Variants in CSMD3 observed in about 807,000 individuals in gnomAD.
The protein encoded by CSMD3 is CUB and sushi domain-containing protein 3.
CSMD3 carries 177 observed loss-of-function variants against 435.2 expected under a neutral mutation model. The observed-to-expected ratio is 0.41, with a 90% CI of 0.36 to 0.46. The LOEUF (loss-of-function observed/expected upper bound fraction) is 0.46, where lower values mean the gene tolerates loss of function less well. CSMD3 is among the 20% of genes least tolerant of loss of function. CSMD3 has a pLI of 0.34. For synonymous variants in CSMD3, 1,656 were observed against 1,520.5 expected (o/e 1.09, Z -2.07); for missense variants, 4,265 against 4,504.6 (o/e 0.95, Z 1.52).
Position 112,337,576 on chromosome 8 carries a change from G to A in CSMD3, c.6808C>T (p.Arg2270Cys), listed in dbSNP as rs2130964908. The A allele has an allele frequency of 6.2e-7, 1 of 1,613,730 alleles. No homozygotes were observed. The highest frequency in any genetic ancestry group is 8.5e-7 in the Non-Finnish European group (1 of 1,179,710). Residue 2270 changes from arginine to cysteine, a missense_variant, in exon 43 of 71, where the codon CGT becomes TGT. Arg to Cys is a radical substitution (Grantham distance 180). Coordinates refer to ENST00000297405, the MANE Select transcript of CSMD3 (RefSeq NM_198123.2). ...CTTGGAAGTGGATGATTCCAATTAC[G>A]ACTGACTCCGTGAAGGCATGTGAGA... ...SALTCLHGVS[R>C]NWNHPLPRCE...
intron 10 of CSMD3, among the ~76,000 whole-genome samples, chr8:112,902,916 ACTT>A (rs1354041814): frequency 1.3e-5 from 2 of 151,298 alleles, no homozygotes; most frequent in Non-Finnish European, 3.0e-5. Context: ...TACTTCACCC[ACTT>A]CTTCTGACCC....
At chr8:112,772,926 C>T (rs1012533114) in intron 13 of CSMD3, among the ~76,000 whole-genome samples, 1 of 152,040 alleles carries the variant, frequency 6.6e-6, no homozygotes, top group Non-Finnish European at 1.5e-5. Flanking sequence ...ATCCTATTGT[C>T]CTGCCACATC....
intron 3 of CSMD3, among the ~76,000 whole-genome samples, chr8:113,219,727 A>C (rs114283359): frequency 1.6e-4 from 25 of 151,620 alleles, no homozygotes; most frequent in African/African-American, 5.8e-4. Context: ...ATTCCTCTAT[A>C]CTGGGTATAG....
Position 112,929,741 on chromosome 8 carries a change from CT to C in CSMD3, c.1509-7991del, listed in dbSNP as rs149814760. On this transcript the variant is annotated intron_variant, in intron 9 of 70. Transcript: ENST00000297405. ...AGATAAAAGGCAATAAAATAAAGTG[CT>C]TTTGAAGGTTACTAGTAGAATGCGT... Among the ~76,000 whole-genome samples, 1,345 of 152,010 alleles carry C rather than the reference CT, an allele frequency of 8.8e-3. 21 individuals are homozygous for C. The highest frequency in any genetic ancestry group is 0.031 in the African/African-American group (1,282 of 41,510).
intron 9 of CSMD3, among the ~76,000 whole-genome samples, chr8:112,928,247 T>C (rs543349028): frequency 1.3e-5 from 2 of 152,182 alleles, no homozygotes; most frequent in Admixed American, 6.5e-5. Flanking sequence ...CCTAGGCAAG[T>C]GCATTAGTTA....
At chr8:112,336,959 A>T in intron 43 of CSMD3, 130 bp from the exon 44 acceptor site, 1 of 782,804 alleles carries the variant, frequency 1.3e-6, no homozygotes, top group Non-Finnish European at 2.2e-6. Context: ...ACTTCAGTTG[A>T]GGTATGTATA....
chr8:113,318,880 G>A (rs1053477074), intron 1 of CSMD3, among the ~76,000 whole-genome samples: 2 of 150,872 alleles, frequency 1.3e-5, no homozygotes, highest in Admixed American at 1.3e-4. Flanking sequence ...TTTTAAGGCT[G>A]AATAAGATTC....
At position 112,951,341 on chromosome 8, in the gene CSMD3, G is replaced by T. The variant is rs1333454595; in HGVS notation, c.1420+3343C>A. Among the ~76,000 whole-genome samples the T allele has an allele frequency of 2.6e-5, 4 of 151,832 alleles. No homozygotes were observed. In the East Asian group the frequency reaches 7.8e-4, roughly 29 times the overall value. On this transcript the variant is annotated intron_variant, in intron 8 of 70. Transcript: ENST00000297405. Reference sequence around the variant, plus strand: ...GTGCTCTCTAAAAGTTTAATTACATGAATAGTGTAAGTATGATTTCTTATG... The same window carrying T: ...GTGCTCTCTAAAAGTTTAATTACATTAATAGTGTAAGTATGATTTCTTATG...
rs548658990 is a variant in CSMD3, at chr8:112,755,514, C to CG, written c.1972+44647dup. Among the ~76,000 whole-genome samples, 55 of 151,334 alleles carry CG rather than the reference C, an allele frequency of 3.6e-4. 1 individual carries two copies. The highest frequency in any genetic ancestry group is 3.4e-3 in the Middle Eastern group (1 of 290). Reference sequence around the variant, plus strand: ...AAGAAGGACAAGTTTGCTTCCCCTTCGGCCATGATGGTAAGTTTCCTGAGA... The same window carrying CG: ...AAGAAGGACAAGTTTGCTTCCCCTTCGGGCCATGATGGTAAGTTTCCTGAGA... On this transcript the variant is annotated intron_variant, in intron 13 of 70. Transcript: ENST00000297405.
intron 10 of CSMD3, among the ~76,000 whole-genome samples, chr8:112,859,718 G>T (rs1180354877): frequency 6.6e-6 from 1 of 151,390 alleles, no homozygotes; most frequent in African/African-American, 2.4e-5. Context: ...TTCTCTTTCT[G>T]TACTTATAAC....
chr8:113,342,398 C>A (rs539347453), intron 1 of CSMD3, among the ~76,000 whole-genome samples: 2 of 151,940 alleles, frequency 1.3e-5, no homozygotes, highest in African/African-American at 4.8e-5. Context: ...ATTTCTACAG[C>A]GCTATTTGCA....
rs1331614870 is a variant in CSMD3 at position 113,173,815 on chromosome 8, T to C, written c.616A>G (p.Thr206Ala). ...VGDKIRYSCV[T>A]GYILDGHPQL... ...GGGTGGCCATCAAGGATGTATCCAG[T>C]TACACAGCTGTAGCGGATCTTGTCC... Residue 206 changes from threonine to alanine, a missense_variant, in exon 4 of 71, where the codon ACT becomes GCT. Physicochemically the swap from Thr to Ala is moderately conservative, Grantham distance 58. Around this residue, in one of 3 missense-constraint regions of CSMD3, gnomAD observed 731 missense variants for 755.4 expected, o/e 0.97. Transcript: ENST00000297405. The C allele has an allele frequency of 1.2e-6, 2 of 1,613,732 alleles. No homozygotes were observed. Among genetic ancestry groups the C allele is most frequent in the Non-Finnish European group, 1.7e-6 (2 of 1,179,700 alleles).
At chr8:112,738,074 C>A (rs1423349808) in intron 13 of CSMD3, among the ~76,000 whole-genome samples, 1 of 151,634 alleles carries the variant, frequency 6.6e-6, no homozygotes, top group Non-Finnish European at 1.5e-5. Context: ...AGTGATAAGA[C>A]CTGACGTTGG....
In CSMD3 at chr8:113,104,451, T is replaced by C. The variant is rs75493024; in HGVS notation, c.710-5488A>G. 2.7e-3 allele frequency among the ~76,000 whole-genome samples: 406 copies of C among 152,232 alleles called. 13 individuals are homozygous for C. In the East Asian group the frequency reaches 0.058, roughly 22 times the overall value. ...CATTAATTAGCCATCTTATTACATA[T>C]ATGGAGCAGTAGTTAATTTTGTGTA... On this transcript the variant is annotated intron_variant, in intron 4 of 70. Coordinates refer to ENST00000297405, the MANE Select transcript of CSMD3 (RefSeq NM_198123.2).
intron 13 of CSMD3, among the ~76,000 whole-genome samples, chr8:112,772,548 CTCGTGG>C (rs1220598739): frequency 6.6e-6 from 1 of 152,012 alleles, no homozygotes; most frequent in Non-Finnish European, 1.5e-5. Context: ...GAAATATGGC[CTCGTGG>C]GAAGGGAAAG....
At chr8:112,879,253 T>C (rs961021415) in intron 10 of CSMD3, among the ~76,000 whole-genome samples, 4 of 152,046 alleles carry the variant, frequency 2.6e-5, no homozygotes, top group South Asian at 2.1e-4. Flanking sequence ...GCTCTAGGAG[T>C]ATCTGCCTTA....
chr8:113,340,612 C>T (rs184772377), intron 1 of CSMD3, among the ~76,000 whole-genome samples: 1 of 152,158 alleles, frequency 6.6e-6, no homozygotes, highest in Admixed American at 6.6e-5. Flanking sequence ...TGGTGGTGCA[C>T]ACTTGTAATC....
chr8:112,766,343 C>G (rs942658984), intron 13 of CSMD3, among the ~76,000 whole-genome samples: 1 of 151,230 alleles, frequency 6.6e-6, no homozygotes, highest in Non-Finnish European at 1.5e-5. Context: ...AGATGTAGCA[C>G]TTAGAGTGAA....
intron 4 of CSMD3, among the ~76,000 whole-genome samples, chr8:113,148,954 T>C (rs950131309): frequency 2.0e-5 from 3 of 151,840 alleles, no homozygotes; most frequent in Non-Finnish European, 2.9e-5. Flanking sequence ...CATACATATA[T>C]ACATATATAT....
Sources: gnomAD v4.1 joint callset for allele counts (sites outside exome capture counted in the v4.1 genomes callset) on GRCh38, gnomAD v4.1.1 for gene constraint, gnomAD v4.1.1 regional missense constraint, MANE v1.5 for transcripts, NCBI Gene and HGNC (gene_info 2026-07-23, HGNC 2026-07-21) for gene names.